The following DBT variants were observed in gnomAD, a reference collection of about 807,000 sequenced individuals.
DBT encodes the protein lipoamide acyltransferase component of branched-chain alpha-keto acid dehydrogenase complex, mitochondrial.
Under a neutral mutation model 51.3 loss-of-function variants are expected in DBT, and 40 were observed. The observed-to-expected ratio is 0.78, with a 90% CI of 0.61 to 1.02. DBT has a LOEUF of 1.02. Ranked by LOEUF, DBT falls within the 50% of genes least tolerant of loss-of-function variation. The pLI, the probability that DBT is intolerant of heterozygous loss-of-function variation, is 0.00. For synonymous variants in DBT, 181 were observed against 190.4 expected, an observed-to-expected ratio of 0.95 and a Z score of 0.41; for missense variants, 510 against 580.2, an observed-to-expected ratio of 0.88 and a Z score of 1.24.
At chr1:100,217,324 C>T (rs991049888) in intron 5 of DBT, among the ~76,000 whole-genome samples, 1 of 152,106 alleles carries the variant, frequency 6.6e-6, no homozygotes, top group Non-Finnish European at 1.5e-5. Flanking sequence ...ATCATTATTT[C>T]ATCTGATGCC....
In DBT at chr1:100,189,350, T is replaced by TC. The variant is rs1660706224; in HGVS notation, c.*6904_*6905insG. ...ACAGAGTGAGACTCCATCTCAAAAATTAAAAAAAAAAAAAAAAAAAGCCTG... is the reference window on the plus strand; with the variant it reads ...ACAGAGTGAGACTCCATCTCAAAAATCTAAAAAAAAAAAAAAAAAAAGCCTG... On this transcript the variant is annotated 3_prime_UTR_variant, in exon 11 of 11. Coordinates refer to ENST00000370132, the MANE Select transcript of DBT (RefSeq NM_001918.5). 3.9e-5 allele frequency: 1 copy of TC among 25,974 alleles called. No individual in the cohort carries two copies. Among genetic ancestry groups the TC allele is most frequent in the African/African-American group, 8.7e-5 (1 of 11,544 alleles). The allele number at this position is 25,974 out of a possible 1,614,324, so 1.6% of individuals were successfully genotyped here.
chr1:100,204,209 GGC>G (rs1461624413), intron 10 of DBT, among the ~76,000 whole-genome samples: 2 of 152,108 alleles, frequency 1.3e-5, no homozygotes, highest in African/African-American at 4.8e-5. Flanking sequence ...AAACCCCATC[GGC>G]TCAGCCCAAA....
At chr1:100,218,778 GA>G (rs763234572) in intron 4 of DBT, 31 bp from the exon 5 acceptor site, 18 of 1,603,204 alleles carry the variant, frequency 1.1e-5, no homozygotes, top group South Asian at 3.3e-5. Flanking sequence ...AACTTCAGTT[GA>G]AAAAAAATTT....
intron 8 of DBT, among the ~76,000 whole-genome samples, chr1:100,207,862 G>A (rs1661887781): frequency 6.6e-6 from 1 of 152,080 alleles, no homozygotes; most frequent in South Asian, 2.1e-4. Context: ...GCCGGGCACA[G>A]TGGCTCACGC....
At position 100,189,927 on chromosome 1, in the gene DBT, A is replaced by G. The variant is rs1660736354; in HGVS notation, c.*6328T>C. On this transcript the variant is annotated 3_prime_UTR_variant, in exon 11 of 11. Transcript: ENST00000370132. ...TATCTGGTATGGTGCTATAAGCCAC[A>G]TGTAGCTATTTAAATTTAAATTTAA... The G allele has an allele frequency of 6.6e-6, 1 of 152,220 alleles. No homozygotes were observed. The highest frequency in any genetic ancestry group is 2.4e-5 in the African/African-American group (1 of 41,462). 9.4% of individuals were successfully genotyped at this position (152,220 alleles called of 1,614,324 possible).
At chr1:100,209,467 A>G (rs1020135829) in intron 8 of DBT, among the ~76,000 whole-genome samples, 3 of 152,202 alleles carry the variant, frequency 2.0e-5, no homozygotes, top group African/African-American at 7.2e-5. Flanking sequence ...TAAAATTAAA[A>G]TTAATACAGC....
intron 4 of DBT, among the ~76,000 whole-genome samples, chr1:100,229,029 G>A (rs973319007): frequency 1.3e-5 from 2 of 152,136 alleles, no homozygotes; most frequent in Non-Finnish European, 2.9e-5. Flanking sequence ...ATAAAAAGTA[G>A]TAGGAAGCCT....
At chr1:100,217,168 A>G (rs1191647825) in intron 5 of DBT, among the ~76,000 whole-genome samples, 1 of 152,202 alleles carries the variant, frequency 6.6e-6, no homozygotes, top group Non-Finnish European at 1.5e-5. Flanking sequence ...TAGTAATCAT[A>G]CAAGCACTCT....
intron 1 of DBT, among the ~76,000 whole-genome samples, chr1:100,242,121 A>G (rs1024298500): frequency 6.6e-6 from 1 of 152,190 alleles, no homozygotes; most frequent in African/African-American, 2.4e-5. Flanking sequence ...CCCTGAGCTT[A>G]CTTCTCTGCA....
rs758086418 is a variant in DBT, at chr1:100,215,547, G to C, written c.772+436C>G. ...CACCATTTAAAAATTATGGCCAGGC[G>C]CAGTGGCTCACGCCTGTAATCCCTG... On this transcript the variant is annotated intron_variant, in intron 6 of 10. Transcript: ENST00000370132. 2.0e-5 allele frequency among the ~76,000 whole-genome samples: 3 copies of C among 152,290 alleles called. No homozygotes were observed. In the East Asian group the frequency reaches 5.8e-4, roughly 29 times the overall value.
At chr1:100,247,102 G>A (rs1226536501) in intron 1 of DBT, among the ~76,000 whole-genome samples, 4 of 152,202 alleles carry the variant, frequency 2.6e-5, no homozygotes, top group South Asian at 2.1e-4. Flanking sequence ...GTTGGGGTTG[G>A]GATGGGTAGG....
chr1:100,206,416 G>A (rs376457304), intron 9 of DBT, 29 bp downstream of exon 9: 11 of 1,578,074 alleles, frequency 7.0e-6, no homozygotes, highest in African/African-American at 5.4e-5. Flanking sequence ...CTTAAGTAAT[G>A]GTTTATGTAT....
intron 7 of DBT, chr1:100,213,356 G>A: frequency 1.3e-6 from 2 of 1,532,138 alleles, no homozygotes; most frequent in Non-Finnish European, 1.8e-6. Context: ...CGGCCAGGGC[G>A]ACTACGCGTG....
intron 4 of DBT, among the ~76,000 whole-genome samples, chr1:100,229,999 T>C (rs1408358249): frequency 6.6e-6 from 1 of 152,206 alleles, no homozygotes; most frequent in African/African-American, 2.4e-5. Context: ...CTCTTCAACT[T>C]CTCTTGAAAA....
At chr1:100,225,826 C>CACA (rs1663165302) in intron 4 of DBT, among the ~76,000 whole-genome samples, 1 of 86,934 alleles carries the variant, frequency 1.2e-5, no homozygotes, top group Non-Finnish European at 2.1e-5. Flanking sequence ...CTCCATCTCA[C>CACA]AAAAAAAAAA....
At position 100,191,949 on chromosome 1, in the gene DBT, AT is replaced by A. The variant is rs755996893; in HGVS notation, c.*4305del. The stretch of plus-strand genomic sequence containing the variant: ...AGGTGCATGTCACTTCATCGGCCTA[AT>A]TTTTTTTTTTTTTGGTATTTTTTGT... On this transcript the variant is annotated 3_prime_UTR_variant, in exon 11 of 11. Coordinates refer to ENST00000370132, the MANE Select transcript of DBT (RefSeq NM_001918.5). 2.8e-3 allele frequency: 402 copies of A among 142,816 alleles called. No homozygotes were observed. Among genetic ancestry groups the A allele is most frequent in the Middle Eastern group, 3.7e-3 (1 of 272 alleles). 8.8% of individuals were successfully genotyped at this position (142,816 alleles called of 1,614,324 possible).
At position 100,206,531 on chromosome 1, in the gene DBT, T is replaced by A; in HGVS notation, c.1123A>T (p.Asn375Tyr). 6.2e-7 allele frequency: 1 copy of A among 1,613,172 alleles called. No individual in the cohort carries two copies. Among genetic ancestry groups the A allele is most frequent in the East Asian group, 2.2e-5 (1 of 44,880 alleles). ...CSIFDIATEL[N>Y]RLQKLGSVSQ... ...ACAGAGCCCAATTTCTGGAGGCGGT[T>A]CAGTTCAGTGGCGATGTCAAATATA... is the stretch of plus-strand genomic sequence containing the variant. The change falls in exon 9 of 11, where the codon AAC (asparagine) becomes TAC (tyrosine). Residue 375 changes from asparagine to tyrosine, a missense_variant. By Grantham distance (143) the Asn-to-Tyr change is moderately radical. Coordinates refer to ENST00000370132, the MANE Select transcript of DBT (RefSeq NM_001918.5).
rs1348261308 is a variant in DBT, at chr1:100,194,849, T to C, written c.*1406A>G. 6.6e-6 allele frequency: 1 copy of C among 152,196 alleles called. No homozygotes were observed. Among genetic ancestry groups the C allele is most frequent in the South Asian group, 2.1e-4 (1 of 4,832 alleles). The allele number at this position is 152,196 out of a possible 1,614,324, so 9.4% of individuals were successfully genotyped here. On this transcript the variant is annotated 3_prime_UTR_variant, in exon 11 of 11. Transcript: ENST00000370132. ...ACCAAGTAGATATTAAAACAACCTT[T>C]TTTCTGTCACAAAACTTCACTTAAA...
chr1:100,203,578 G>T (rs1353395404), intron 10 of DBT, among the ~76,000 whole-genome samples: 2 of 152,128 alleles, frequency 1.3e-5, no homozygotes, highest in Non-Finnish European at 2.9e-5. Flanking sequence ...GAAAAAAAGG[G>T]AATCCTCCCT....
Sources: allele counts gnomAD v4.1 joint callset (sites outside exome capture counted in the v4.1 genomes callset), GRCh38; gene constraint gnomAD v4.1.1; transcripts MANE v1.5; gene names NCBI Gene and HGNC (gene_info 2026-07-23, HGNC 2026-07-21).